GRM7: variants seen among roughly 807,000 people sequenced by gnomAD.
GRM7 encodes the protein glutamate metabotropic receptor 7.
In GRM7, 35 loss-of-function variants were observed where a neutral mutation model predicts 84.5. That is an observed-to-expected ratio of 0.41 (90% CI 0.32 to 0.55). The LOEUF is 0.55. Among genes scored for constraint, GRM7 ranks in the 20% least tolerant of loss-of-function variants. The pLI is 0.19. For synonymous variants in GRM7, 487 were observed against 455.1 expected, an observed-to-expected ratio of 1.07 and a Z score of -0.89; for missense variants, 1,003 against 1,194.6, an observed-to-expected ratio of 0.84 and a Z score of 2.36.
At chr3:7,631,814 C>T (rs1697871375) in intron 8 of GRM7, among the ~76,000 whole-genome samples, 1 of 151,924 alleles carries the variant, frequency 6.6e-6, no homozygotes, top group African/African-American at 2.4e-5. Flanking sequence ...TCAAAATTGC[C>T]CTGGGTTGAC....
At chr3:7,590,348 AG>A (rs1326282735) in intron 8 of GRM7, among the ~76,000 whole-genome samples, 1 of 152,204 alleles carries the variant, frequency 6.6e-6, no homozygotes, top group Non-Finnish European at 1.5e-5. Flanking sequence ...CTGTCCAATG[AG>A]TAACTTGTTT....
At chr3:7,129,480 A>G (rs1237662627) in intron 1 of GRM7, among the ~76,000 whole-genome samples, 2 of 152,232 alleles carry the variant, frequency 1.3e-5, no homozygotes, top group South Asian at 2.1e-4. Context: ...ATTTTTAAAA[A>G]ATCAGTTCTT....
intron 2 of GRM7, among the ~76,000 whole-genome samples, chr3:7,211,082 C>T (rs547960404): frequency 7.2e-5 from 11 of 152,236 alleles, no homozygotes; most frequent in African/African-American, 9.6e-5. Flanking sequence ...TTATTACTGA[C>T]GTGTTCAGAC....
chr3:7,306,990 A>G lies in GRM7; in HGVS notation c.1033+338A>G, dbSNP rs151092177. Among the ~76,000 whole-genome samples the G allele has an allele frequency of 4.8e-3, 729 of 152,304 alleles. 6 individuals carry two copies. Among genetic ancestry groups the G allele is most frequent in the African/African-American group, 0.017 (703 of 41,564 alleles). On this transcript the variant is annotated intron_variant, in intron 4 of 9. Coordinates refer to ENST00000357716, the MANE Select transcript of GRM7 (RefSeq NM_000844.4). ...GTGTATAAGTGAGCTACGTTTTCCA[A>G]GAGAATCCTTTCACTTTGTAACGCA...
intron 7 of GRM7, among the ~76,000 whole-genome samples, chr3:7,466,542 A>G (rs1698467322): frequency 6.6e-6 from 1 of 152,244 alleles, no homozygotes; most frequent in Non-Finnish European, 1.5e-5. Flanking sequence ...AGAAACCATG[A>G]TGGTTACTTT....
intron 2 of GRM7, among the ~76,000 whole-genome samples, chr3:7,246,855 A>C (rs1697780367): frequency 6.6e-6 from 1 of 152,190 alleles, no homozygotes; most frequent in Non-Finnish European, 1.5e-5. Context: ...GTCACTAGCC[A>C]AAACAATATT....
intron 5 of GRM7, among the ~76,000 whole-genome samples, chr3:7,448,333 C>T (rs1263208515): frequency 6.6e-6 from 1 of 152,084 alleles, no homozygotes; most frequent in Non-Finnish European, 1.5e-5. Flanking sequence ...ACACTGACTT[C>T]CACAATGGCA....
intron 5 of GRM7, among the ~76,000 whole-genome samples, chr3:7,449,418 A>G (rs1261557501): frequency 6.6e-6 from 1 of 152,128 alleles, no homozygotes; most frequent in Admixed American, 6.5e-5. Context: ...AATACAACAG[A>G]AACCCAATAA....
intron 2 of GRM7, among the ~76,000 whole-genome samples, chr3:7,203,561 G>T (rs750728889): frequency 6.6e-6 from 1 of 152,154 alleles, no homozygotes; most frequent in Non-Finnish European, 1.5e-5. Flanking sequence ...ACATGTGAGT[G>T]TGGGCATCAT....
chr3:7,400,657 G>A (rs1266722123), intron 4 of GRM7, among the ~76,000 whole-genome samples: 1 of 152,084 alleles, frequency 6.6e-6, no homozygotes, highest in South Asian at 2.1e-4. Context: ...CTCTTCCATG[G>A]CATAAATGTG....
chr3:7,633,696 G>GAAA (rs1697952360), intron 8 of GRM7, among the ~76,000 whole-genome samples: 1 of 151,984 alleles, frequency 6.6e-6, no homozygotes, highest in Non-Finnish European at 1.5e-5. Flanking sequence ...CCTCTTAGAA[G>GAAA]ATAATAACAA....
intron 4 of GRM7, among the ~76,000 whole-genome samples, chr3:7,351,680 C>T (rs1264180279): frequency 2.0e-5 from 3 of 152,030 alleles, no homozygotes; most frequent in African/African-American, 7.2e-5. Flanking sequence ...GCTTGCTTGG[C>T]TTTCTGTTTT....
At chr3:7,711,508 T>C (rs2125165892) in intron 9 of GRM7, among the ~76,000 whole-genome samples, 1 of 152,192 alleles carries the variant, frequency 6.6e-6, no homozygotes, top group Middle Eastern at 3.4e-3. Flanking sequence ...AAGAATTCAG[T>C]CTCTGTTTCA....
intron 1 of GRM7, among the ~76,000 whole-genome samples, chr3:7,136,516 T>G (rs898026646): frequency 1.4e-5 from 2 of 147,932 alleles, no homozygotes; most frequent in Admixed American, 6.7e-5. Context: ...ATGATAGCTT[T>G]CTTTCTCCTA....
intron 9 of GRM7, chr3:7,691,342 C>G: frequency 4.9e-6 from 5 of 1,018,356 alleles, no homozygotes; most frequent in Non-Finnish European, 6.6e-6. Context: ...AGTGTTGGTC[C>G]AAGTATTGGT....
At chr3:7,484,650 G>T (rs1211797854) in intron 7 of GRM7, among the ~76,000 whole-genome samples, 1 of 152,116 alleles carries the variant, frequency 6.6e-6, no homozygotes, top group African/African-American at 2.4e-5. Flanking sequence ...TCTTAGAACT[G>T]GAATACAATA....
At chr3:6,990,273 A>G (rs1196345613) in intron 1 of GRM7, among the ~76,000 whole-genome samples, 4 of 152,204 alleles carry the variant, frequency 2.6e-5, no homozygotes, top group African/African-American at 9.7e-5. Context: ...CTTCCTTAAC[A>G]TTTGAAAATT....
At chr3:7,363,309 A>G (rs1278717007) in intron 4 of GRM7, among the ~76,000 whole-genome samples, 2 of 152,060 alleles carry the variant, frequency 1.3e-5, no homozygotes, top group Non-Finnish European at 2.9e-5. Context: ...TGCATTAACC[A>G]CTGAAAAGAT....
intron 1 of GRM7, among the ~76,000 whole-genome samples, chr3:7,143,234 C>T (rs917599819): frequency 2.6e-5 from 4 of 152,114 alleles, no homozygotes; most frequent in African/African-American, 9.7e-5. Context: ...ACTATGTAGG[C>T]TTTAACATTA....
Sources: gnomAD v4.1 joint callset for allele counts (sites outside exome capture counted in the v4.1 genomes callset) on GRCh38, gnomAD v4.1.1 for gene constraint, MANE v1.5 for transcripts, NCBI Gene and HGNC (gene_info 2026-07-23, HGNC 2026-07-21) for gene names.